INTS6: variants seen among roughly 807,000 people sequenced by gnomAD.
INTS6 encodes integrator complex subunit 6.
INTS6 carries 16 observed loss-of-function variants against 104.9 expected under a neutral mutation model. The ratio of observed to expected loss-of-function variants is 0.15; its 90% CI spans 0.10 to 0.23. The LOEUF (loss-of-function observed/expected upper bound fraction) is 0.23. Ranked by LOEUF, INTS6 falls within the 10% of genes least tolerant of loss-of-function variation. The pLI is 1.00. For missense variants in INTS6, 584 were observed against 1,062.8 expected (o/e 0.55, Z 6.26); for synonymous variants, 324 against 358.7 (o/e 0.90, Z 1.09).
At chr13:51,340,776 C>G in the INTS6 span, 2 of 430,668 alleles carry the variant, frequency 4.6e-6, no homozygotes, top group African/African-American at 3.9e-5. Context: ...TGCTTCTGAT[C>G]TGACCAGGGC....
intron 3 of INTS6, chr13:51,446,048 AG>A (rs1194199812): frequency 6.6e-6 from 1 of 152,140 alleles, no homozygotes; most frequent in Non-Finnish European, 1.5e-5. Context: ...CCAAAGGCAC[AG>A]GCAATAAAAG....
At chr13:51,421,096 A>G in intron 4 of INTS6, 1 of 975,286 alleles carries the variant, frequency 1.0e-6, no homozygotes, top group Non-Finnish European at 1.2e-6. Flanking sequence ...AGAGAACTAC[A>G]CTCTACTCTG....
At chr13:51,343,324 C>G in the INTS6 span, among the ~76,000 whole-genome samples, 3 of 152,218 alleles carry the variant, frequency 2.0e-5, no homozygotes, top group Non-Finnish European at 4.4e-5. Context: ...AAACACTCAG[C>G]TTGCATGTGT....
At chr13:51,337,437 T>C in the INTS6 span, among the ~76,000 whole-genome samples, 4 of 152,210 alleles carry the variant, frequency 2.6e-5, no homozygotes, top group Admixed American at 6.5e-5. Context: ...GCATTCCTGG[T>C]AAATGTGGGC....
At chr13:51,403,232 G>T (rs1029468813) in intron 4 of INTS6, among the ~76,000 whole-genome samples, 1 of 152,070 alleles carries the variant, frequency 6.6e-6, no homozygotes, top group African/African-American at 2.4e-5. Flanking sequence ...AACCTAATTG[G>T]CTGGATGAGG....
intron 4 of INTS6, among the ~76,000 whole-genome samples, chr13:51,422,669 T>G (rs1218505630): frequency 6.6e-6 from 1 of 152,126 alleles, no homozygotes; most frequent in Non-Finnish European, 1.5e-5. Flanking sequence ...GTAATCTTAC[T>G]AAAATGCAAA....
the INTS6 span, chr13:51,341,322 A>C: frequency 6.2e-7 from 1 of 1,607,318 alleles, no homozygotes; most frequent in Non-Finnish European, 8.5e-7. Context: ...AGCAGCTGGC[A>C]GATGCCCTGG....
chr13:51,389,288 T>C (rs550984902), intron 6 of INTS6, 31 bp downstream of exon 6: 2 of 1,600,832 alleles, frequency 1.2e-6, no homozygotes, highest in East Asian at 2.2e-5. Flanking sequence ...AAAGCAAGTT[T>C]TGAATGTCTA....
intron 15 of INTS6, among the ~76,000 whole-genome samples, chr13:51,373,972 T>G (rs1349976063): frequency 6.6e-6 from 1 of 152,232 alleles, no homozygotes; most frequent in African/African-American, 2.4e-5. Context: ...TTTGAAAGAT[T>G]TGCAAATGTA....
intron 5 of INTS6, among the ~76,000 whole-genome samples, chr13:51,391,963 C>T (rs1474457828): frequency 6.6e-6 from 1 of 152,196 alleles, no homozygotes; most frequent in Non-Finnish European, 1.5e-5. Flanking sequence ...GTCCTTGGCA[C>T]AGCCATCCAT....
At chr13:51,346,645 C>T in the INTS6 span, among the ~76,000 whole-genome samples, 1 of 152,240 alleles carries the variant, frequency 6.6e-6, no homozygotes, top group Non-Finnish European at 1.5e-5. Context: ...TCCCTCTCCA[C>T]ACCCTCATCC....
intron 7 of INTS6, chr13:51,384,613 T>A (rs1390559900): frequency 6.6e-6 from 3 of 456,534 alleles, no homozygotes; most frequent in Non-Finnish European, 1.3e-5. Flanking sequence ...TACAATTTGT[T>A]TCTTCTCCCC....
rs562060246 is a variant in INTS6 at position 51,365,691 on chromosome 13, T to C, written c.*61A>G. On this transcript the variant is annotated 3_prime_UTR_variant, in exon 18 of 18. Coordinates refer to ENST00000311234, the MANE Select transcript of INTS6 (RefSeq NM_012141.3). ...GAAAATGAATGCAAGATCACAACAGTCTTGTATTTACTTTGTATTTGAAGA... is the reference window on the plus strand; with the variant it reads ...GAAAATGAATGCAAGATCACAACAGCCTTGTATTTACTTTGTATTTGAAGA... 33 of 913,140 alleles carry C rather than the reference T, an allele frequency of 3.6e-5. No homozygotes were observed. Among genetic ancestry groups the C allele is most frequent in the Non-Finnish European group, 5.4e-5 (32 of 593,354 alleles). 56.6% of individuals were successfully genotyped at this position (913,140 alleles called of 1,614,324 possible).
chr13:51,387,647 ATC>A, intron 6 of INTS6, 107 bp from the exon 7 acceptor site: 1 of 872,288 alleles, frequency 1.1e-6, no homozygotes, highest in Non-Finnish European at 1.6e-6. Flanking sequence ...AATTCCTAAT[ATC>A]TTTTTCCAGG....
chr13:51,425,214 A>G (rs765797333), intron 4 of INTS6, among the ~76,000 whole-genome samples: 144 of 152,060 alleles, frequency 9.5e-4, no homozygotes, highest in Non-Finnish European at 1.9e-3. Context: ...GGACTTTTGC[A>G]TCCATTTTTG....
chr13:51,416,017 A>G (rs1956780602), intron 4 of INTS6, among the ~76,000 whole-genome samples: 1 of 152,238 alleles, frequency 6.6e-6, no homozygotes, highest in African/African-American at 2.4e-5. Context: ...AACAGTGTTC[A>G]ATAGTGCTGG....
At position 51,362,642 on chromosome 13, in the gene INTS6, A is replaced by T. The variant is rs1026665225; in HGVS notation, c.*3110T>A. 1 of 152,408 alleles carries T rather than the reference A, an allele frequency of 6.6e-6. No individual in the cohort carries two copies. Among genetic ancestry groups the T allele is most frequent in the Admixed American group, 6.6e-5 (1 of 15,220 alleles). The allele number at this position is 152,408 out of a possible 1,614,324, so 9.4% of individuals were successfully genotyped here. ...AAATAGGATAGAACAAGACTAATAAAATCAAGCAAAGGTGGATCTACTTTA... is the reference window on the plus strand; with the variant it reads ...AAATAGGATAGAACAAGACTAATAATATCAAGCAAAGGTGGATCTACTTTA... On this transcript the variant is annotated 3_prime_UTR_variant, in exon 18 of 18. Transcript: ENST00000311234.
chr13:51,383,622 G>A lies in INTS6; in HGVS notation c.1014C>T (p.Ile338=). ...ATGTTTGAGGAGATTTCCTTTCCAG[G>A]ATAAATTGAGTCAGTGGTGAAGGTT... ...ELEPSPLTQF[I]LERKSPQTCW... The change falls in exon 8 of 18, where the codon ATC becomes ATT. Residue 338 remains isoleucine, a synonymous_variant. Coordinates refer to ENST00000311234, the MANE Select transcript of INTS6 (RefSeq NM_012141.3). 9.3e-6 allele frequency: 15 copies of A among 1,613,900 alleles called. No individual in the cohort carries two copies. Among genetic ancestry groups the A allele is most frequent in the Non-Finnish European group, 1.3e-5 (15 of 1,179,930 alleles).
intron 4 of INTS6, among the ~76,000 whole-genome samples, chr13:51,426,488 T>C (rs1005852504): frequency 1.3e-5 from 2 of 152,078 alleles, no homozygotes; most frequent in African/African-American, 4.8e-5. Flanking sequence ...AATGAAATTA[T>C]ACTATAAAAA....
Sources: gnomAD v4.1 joint callset for allele counts (sites outside exome capture counted in the v4.1 genomes callset) on GRCh38, gnomAD v4.1.1 for gene constraint, MANE v1.5 for transcripts, NCBI Gene and HGNC (gene_info 2026-07-23, HGNC 2026-07-21) for gene names.